The following ANKRD36 variants were observed in gnomAD, a reference collection of about 807,000 sequenced individuals.
ANKRD36 encodes ankyrin repeat domain 36, also known as ankyrin repeat domain-containing protein 36A.
Under a neutral mutation model 278.1 loss-of-function variants are expected in ANKRD36, and 179 were observed. The observed-to-expected ratio is 0.64, with a 90% confidence interval of 0.57 to 0.73. ANKRD36 has a LOEUF of 0.73. Among genes scored for constraint, ANKRD36 ranks in the 30% least tolerant of loss-of-function variants. The probability of loss-of-function intolerance (pLI) is 0.00; values close to 1 mark genes in which losing one functional copy is unlikely to be tolerated. For synonymous variants in ANKRD36, 320 were observed against 641.1 expected (o/e 0.50, Z 7.57); for missense variants, 1,159 against 1,956.7 (o/e 0.59, Z 7.69).
Position 97,191,226 on chromosome 2 carries a change from A to G in ANKRD36, c.2347+45A>G, listed in dbSNP as rs2058449634. The G allele has an allele frequency of 2.6e-6, 4 of 1,515,476 alleles. No homozygotes were observed. In the South Asian group the frequency reaches 5.0e-5, roughly 19 times the overall value. The allele number at this position is 1,515,476 out of a possible 1,614,324, so 93.9% of individuals were successfully genotyped here. A position where few individuals can be genotyped will look rare whatever the true frequency, so the allele number is the denominator to read the frequency against. On this transcript the variant is annotated intron_variant, in intron 36 of 75. Transcript: ENST00000420699. ...TTAATGTCATATTCAGTCCAGATAG[A>G]TAAGAATTTCTCTTTCCTGAATGAA... is the stretch of plus-strand genomic sequence containing the variant.
At chr2:97,217,069 A>G in intron 62 of ANKRD36, 108 bp from the exon 63 acceptor site, 2 of 1,535,484 alleles carry the variant, frequency 1.3e-6, no homozygotes, top group South Asian at 1.2e-5. Flanking sequence ...ATCAAATCCT[A>G]CCCTAATACA....
chr2:97,211,774 G>A (rs371717121), intron 58 of ANKRD36, 33 bp downstream of exon 58: 117 of 1,547,408 alleles, frequency 7.6e-5, no homozygotes, highest in African/African-American at 9.6e-5. Flanking sequence ...TATGATGTTC[G>A]GTCAGGGTAG....
rs2057206438 is a variant in ANKRD36 at position 97,185,461 on chromosome 2, T to C, written c.1992T>C (p.Ser664=). Residue 664 remains serine, a synonymous_variant, in exon 30 of 76, where the codon TCT becomes TCC. Transcript: ENST00000420699. ...AGGCTACAAGTGACAAGACAGATTCTGCTTTGAATATAGCTACAGAAATAA... is the reference window on the plus strand; with the variant it reads ...AGGCTACAAGTGACAAGACAGATTCCGCTTTGAATATAGCTACAGAAATAA... ...ASKATSDKTD[S]ALNIATEIKD... 1.9e-5 allele frequency: 31 copies of C among 1,610,922 alleles called. No individual in the cohort carries two copies. The East Asian group carries it at 6.9e-4, about 36-fold the overall frequency.
At chr2:97,207,879 A>G (rs1422152691) in intron 53 of ANKRD36, 40 bp downstream of exon 53, 8 of 1,543,704 alleles carry the variant, frequency 5.2e-6, no homozygotes, top group East Asian at 2.4e-5. Flanking sequence ...TAGTAAATGT[A>G]TAGTCTATGA....
At chr2:97,177,310 A>T (rs1219197643) in intron 22 of ANKRD36, among the ~76,000 whole-genome samples, 2 of 151,954 alleles carry the variant, frequency 1.3e-5, no homozygotes, top group Admixed American at 6.6e-5. Context: ...CTTTCTTCAC[A>T]GAATTGGAAA....
At chr2:97,144,322 T>C (rs1411096528) in intron 8 of ANKRD36, among the ~76,000 whole-genome samples, 196 bp from the exon 9 acceptor site, 1 of 152,248 alleles carries the variant, frequency 6.6e-6, no homozygotes, top group African/African-American at 2.4e-5. Flanking sequence ...TGGAAGTGTT[T>C]GTTGCGTGAA....
At chr2:97,207,701 C>A (rs1558787883) in intron 52 of ANKRD36, 110 bp from the exon 53 acceptor site, 9 of 1,502,514 alleles carry the variant, frequency 6.0e-6, no homozygotes, top group Non-Finnish European at 6.3e-6. Flanking sequence ...CCATCAAAGC[C>A]TACGCTAATA....
chr2:97,159,782 C>T (rs1222039808), intron 17 of ANKRD36, among the ~76,000 whole-genome samples: 1 of 137,208 alleles, frequency 7.3e-6, no homozygotes, highest in Non-Finnish European at 1.6e-5. Flanking sequence ...ATTAAAATTT[C>T]TGGTTAATTT....
At chr2:97,219,518 G>T (rs1490469440) in intron 66 of ANKRD36, among the ~76,000 whole-genome samples, 3 of 151,258 alleles carry the variant, frequency 2.0e-5, no homozygotes, top group African/African-American at 7.3e-5. Flanking sequence ...CTTTGCTCTT[G>T]TTGCCCAGGG....
Position 97,217,348 on chromosome 2 carries a change from A to T in ANKRD36, c.3751A>T (p.Thr1251Ser). The T allele has an allele frequency of 6.4e-7, 1 of 1,551,204 alleles. No homozygotes were observed. The highest frequency in any genetic ancestry group is 8.7e-7 in the Non-Finnish European group (1 of 1,148,360). Residue 1251 changes from threonine (T) to serine (S), a missense_variant, in exon 64 of 76, where the codon ACA (threonine) becomes TCA (serine). Physicochemically the swap from Thr to Ser is moderately conservative, Grantham distance 58. Transcript: ENST00000420699. ...VSLLNIATRITGGWKSGTEYP... is the reference protein window; with the variant it reads ...VSLLNIATRISGGWKSGTEYP... ...TCTTTTGAATATTGCCACAAGAATA[A>T]CAGGCGGTTGGAAATCTGGAACAGG...
chr2:97,205,327 A>G (rs1375891827), intron 50 of ANKRD36, among the ~76,000 whole-genome samples: 14 of 151,574 alleles, frequency 9.2e-5, no homozygotes, highest in African/African-American at 3.4e-4. Context: ...AGTGGATACA[A>G]GAAAGTTAAG....
At chr2:97,161,391 A>G (rs2048840014) in intron 17 of ANKRD36, among the ~76,000 whole-genome samples, 1 of 151,962 alleles carries the variant, frequency 6.6e-6, no homozygotes, top group South Asian at 2.1e-4. Context: ...CCTTTAAAAT[A>G]CCTTTAAAAT....
intron 36 of ANKRD36, among the ~76,000 whole-genome samples, chr2:97,191,578 A>C (rs556575287): frequency 2.6e-5 from 4 of 151,662 alleles, no homozygotes; most frequent in Non-Finnish European, 5.9e-5. Flanking sequence ...TAACCCATAG[A>C]CACTGTAGAA....
At chr2:97,161,109 A>C (rs1226305220) in intron 17 of ANKRD36, among the ~76,000 whole-genome samples, 1 of 152,292 alleles carries the variant, frequency 6.6e-6, no homozygotes, top group Non-Finnish European at 1.5e-5. Context: ...TCTCAACAAC[A>C]TATGGTTTTT....
intron 44 of ANKRD36, among the ~76,000 whole-genome samples, chr2:97,199,984 C>G (rs1441241797): frequency 6.6e-6 from 1 of 151,886 alleles, no homozygotes; most frequent in Non-Finnish European, 1.5e-5. Flanking sequence ...TCATGTAGCA[C>G]CTGTTTTGAC....
intron 40 of ANKRD36, 105 bp downstream of exon 40, chr2:97,195,022 G>A (rs2059393923): frequency 2.1e-6 from 3 of 1,440,896 alleles, no homozygotes; most frequent in African/African-American, 1.4e-5. Flanking sequence ...TTCTGATTCA[G>A]CAGGCCTGAG....
At chr2:97,135,990 C>T (rs2443901) in intron 6 of ANKRD36, among the ~76,000 whole-genome samples, 1 of 151,880 alleles carries the variant, frequency 6.6e-6, no homozygotes, top group African/African-American at 2.4e-5. Flanking sequence ...ATGATATCAT[C>T]TGTATGCTAA....
At chr2:97,198,887 T>A (rs2060524529) in intron 44 of ANKRD36, among the ~76,000 whole-genome samples, 1 of 151,754 alleles carries the variant, frequency 6.6e-6, no homozygotes, top group African/African-American at 2.4e-5. Flanking sequence ...AGAAGAAATA[T>A]GGAGAGCAGT....
intron 43 of ANKRD36, 28 bp downstream of exon 43, chr2:97,198,519 C>T: frequency 1.3e-6 from 2 of 1,571,458 alleles, no homozygotes; most frequent in Non-Finnish European, 1.7e-6. Context: ...TATATTGTGA[C>T]CTAGTAAATG....
Sources: gnomAD v4.1 joint callset for allele counts (sites outside exome capture counted in the v4.1 genomes callset) on GRCh38, gnomAD v4.1.1 for gene constraint, MANE v1.5 for transcripts, NCBI Gene and HGNC (gene_info 2026-07-23, HGNC 2026-07-21) for gene names.